Variants in KIAA0513 observed in about 807,000 individuals in gnomAD.
KIAA0513 encodes KIAA0513.
A neutral mutation model predicts 56.5 loss-of-function variants in KIAA0513; 39 were observed. The observed-to-expected ratio is 0.69, with a 90% CI of 0.53 to 0.90. The LOEUF (loss-of-function observed/expected upper bound fraction) is 0.90, where lower values mean the gene tolerates loss of function less well. Among genes scored for constraint, KIAA0513 ranks in the 40% least tolerant of loss-of-function variants. The pLI, the probability that KIAA0513 is intolerant of heterozygous loss-of-function variation, is 0.00. For missense variants in KIAA0513, 591 were observed against 535.2 expected, an observed-to-expected ratio of 1.10 and a Z score of -1.03; for synonymous variants, 268 against 215.6, an observed-to-expected ratio of 1.24 and a Z score of -2.13.
chr16:85,054,421 C>CTTTT (rs398042273), intron 1 of KIAA0513, among the ~76,000 whole-genome samples: 279 of 119,462 alleles, frequency 2.3e-3, no homozygotes, highest in East Asian at 4.6e-3. Flanking sequence ...TTTTTCTTTT[C>CTTTT]TTTTTTTTTT....
chr16:85,087,213 C>T, intron 12 of KIAA0513, 47 bp downstream of exon 12: 1 of 1,487,806 alleles, frequency 6.7e-7, no homozygotes, highest in Non-Finnish European at 9.4e-7. Context: ...GGGCTGGGGT[C>T]AGGAGCCAGT....
chr16:85,067,094 T>A lies in KIAA0513; in HGVS notation c.23T>A (p.Val8Glu). Residue 8 changes from valine (V) to glutamate (E), a missense_variant, in exon 2 of 13, where the codon GTG (valine) becomes GAG (glutamate). Transcript: ENST00000683363. METPEVP[V>E]GSLIDFGPEA... is the part of the protein sequence containing the mutation. ...GCCATGGAGACCCCAGAGGTCCCCG[T>A]GGGCTCGCTAATCGACTTTGGGCCT... 6.3e-7 allele frequency: 1 copy of A among 1,595,472 alleles called. No individual in the cohort carries two copies. Among genetic ancestry groups the A allele is most frequent in the Non-Finnish European group, 8.6e-7 (1 of 1,169,038 alleles).
At chr16:85,041,150 A>G (rs1378554822) in intron 1 of KIAA0513, among the ~76,000 whole-genome samples, 10 of 152,212 alleles carry the variant, frequency 6.6e-5, no homozygotes, top group Admixed American at 6.5e-5. Context: ...ATACTTCCAA[A>G]TAGAAACTGA....
intron 1 of KIAA0513, among the ~76,000 whole-genome samples, chr16:85,041,446 C>T (rs1172193047): frequency 5.9e-5 from 9 of 152,150 alleles, no homozygotes; most frequent in African/African-American, 1.7e-4. Flanking sequence ...GCGTATGGCA[C>T]GTGGCTGTCA....
chr16:85,049,425 C>T (rs899953540), intron 1 of KIAA0513, among the ~76,000 whole-genome samples: 1 of 152,226 alleles, frequency 6.6e-6, no homozygotes, highest in Admixed American at 6.5e-5. Context: ...TTTGGTTCTG[C>T]GTCCCCACCC....
At chr16:85,066,763 G>A (rs577511822) in intron 1 of KIAA0513, 137 bp from the exon 2 acceptor site, 2 of 332,868 alleles carry the variant, frequency 6.0e-6, no homozygotes, top group Admixed American at 4.6e-5. Flanking sequence ...ACAGTAAAGC[G>A]GACAGTAGGA....
chr16:85,033,532 G>T (rs557354259), intron 1 of KIAA0513, among the ~76,000 whole-genome samples: 2 of 152,192 alleles, frequency 1.3e-5, no homozygotes, highest in South Asian at 2.1e-4. Context: ...GTATGTAGAA[G>T]CCTCCTCCCG....
rs375253713 is a variant in KIAA0513 at position 85,067,419 on chromosome 16, C to T, written c.329+19C>T. 88 of 1,573,712 alleles carry T rather than the reference C, an allele frequency of 5.6e-5. No individual in the cohort carries two copies. The highest frequency in any genetic ancestry group is 5.6e-4 in the South Asian group (49 of 87,706). On this transcript the variant is annotated intron_variant, in intron 2 of 12. Coordinates refer to ENST00000683363, the MANE Select transcript of KIAA0513 (RefSeq NM_001388359.1). Reference sequence around the variant, plus strand: ...CTGGAGGGTAAGGGGCCTGTGTGGACGAGACAGCCTGGTGTGGCCACAGGG... The same window carrying T: ...CTGGAGGGTAAGGGGCCTGTGTGGATGAGACAGCCTGGTGTGGCCACAGGG...
intron 2 of KIAA0513, among the ~76,000 whole-genome samples, chr16:85,069,500 G>C (rs1226975502): frequency 6.6e-6 from 1 of 152,098 alleles, no homozygotes; most frequent in Non-Finnish European, 1.5e-5. Flanking sequence ...GTTCGGGGCT[G>C]TGACGTCCAC....
intron 1 of KIAA0513, among the ~76,000 whole-genome samples, chr16:85,043,101 A>T (rs941714620): frequency 3.9e-5 from 6 of 152,228 alleles, no homozygotes; most frequent in Non-Finnish European, 7.3e-5. Context: ...ACCGAAATAC[A>T]ATTTTAGACT....
At chr16:85,064,885 A>G (rs897579551) in intron 1 of KIAA0513, among the ~76,000 whole-genome samples, 5 of 151,940 alleles carry the variant, frequency 3.3e-5, no homozygotes, top group African/African-American at 1.2e-4. Flanking sequence ...GGGTTTCACC[A>G]TGTTGCCCAG....
At position 85,067,125 on chromosome 16, in the gene KIAA0513, A is replaced by T. The variant is rs1471149134; in HGVS notation, c.54A>T (p.Ala18=). Residue 18 remains alanine, a synonymous_variant, in exon 2 of 13, where the codon GCA becomes GCT. Coordinates refer to ENST00000683363, the MANE Select transcript of KIAA0513 (RefSeq NM_001388359.1). The part of the protein sequence containing the change: ...VGSLIDFGPE[A]PTSSPLEAPP... Reference sequence around the variant, plus strand: ...CGCTAATCGACTTTGGGCCTGAGGCACCCACCTCTTCTCCCCTGGAGGCAC... The same window carrying T: ...CGCTAATCGACTTTGGGCCTGAGGCTCCCACCTCTTCTCCCCTGGAGGCAC... The T allele has an allele frequency of 6.2e-7, 1 of 1,612,190 alleles. No individual in the cohort carries two copies. The highest frequency in any genetic ancestry group is 8.5e-7 in the Non-Finnish European group (1 of 1,178,818).
intron 7 of KIAA0513, 96 bp from the exon 8 acceptor site, chr16:85,078,829 G>T: frequency 2.3e-6 from 3 of 1,316,190 alleles, no homozygotes; most frequent in East Asian, 2.3e-5. Context: ...AGTGACATTC[G>T]GGGAGAAACT....
chr16:85,044,479 C>G (rs1277887553), intron 1 of KIAA0513, among the ~76,000 whole-genome samples: 1 of 152,006 alleles, frequency 6.6e-6, no homozygotes, highest in East Asian at 1.9e-4. Flanking sequence ...CCATCCACCA[C>G]CACAAAGTAA....
chr16:85,060,577 G>T (rs987719100), intron 1 of KIAA0513, among the ~76,000 whole-genome samples: 1 of 152,170 alleles, frequency 6.6e-6, no homozygotes, highest in Non-Finnish European at 1.5e-5. Flanking sequence ...GGCGGCTCAC[G>T]CCTGTAATCC....
chr16:85,076,012 A>G lies in KIAA0513; in HGVS notation c.574+98A>G, dbSNP rs993723151. The G allele has an allele frequency of 9.0e-6, 8 of 893,792 alleles. No individual in the cohort carries two copies. The African/African-American group carries it at 1.3e-4, about 15-fold the overall frequency. 55.4% of individuals were successfully genotyped at this position (893,792 alleles called of 1,614,324 possible). A position where few individuals can be genotyped will look rare whatever the true frequency, so the allele number is the denominator to read the frequency against. On this transcript the variant is annotated intron_variant, in intron 5 of 12. Coordinates refer to ENST00000683363, the MANE Select transcript of KIAA0513 (RefSeq NM_001388359.1). The surrounding 1 kb of genome is among the most constrained non-coding windows in gnomAD (Gnocchi z 4.7). ...TTCTTCATGATAAAAAGCAAAAGCTATGGGGCCTCCAGAGAACAGAGGAAG... is the reference window on the plus strand; with the variant it reads ...TTCTTCATGATAAAAAGCAAAAGCTGTGGGGCCTCCAGAGAACAGAGGAAG...
intron 1 of KIAA0513, among the ~76,000 whole-genome samples, chr16:85,050,103 G>A (rs568743253): frequency 6.6e-6 from 1 of 152,034 alleles, no homozygotes; most frequent in East Asian, 2.0e-4. Context: ...AGTCAATGGT[G>A]ATCGCTGATG....
chr16:85,082,678 T>A, intron 10 of KIAA0513, 85 bp downstream of exon 10: 2 of 1,393,272 alleles, frequency 1.4e-6, no homozygotes, highest in Non-Finnish European at 2.0e-6. Flanking sequence ...TGCACTGTGC[T>A]GAGCTGCTGC....
chr16:85,083,985 C>G (rs142137748), intron 10 of KIAA0513, among the ~76,000 whole-genome samples: 97 of 151,830 alleles, frequency 6.4e-4, no homozygotes, highest in African/African-American at 2.2e-3. Context: ...CCCACTGTAG[C>G]GGTGTAGATG....
Sources: gnomAD v4.1 joint callset for allele counts (sites outside exome capture counted in the v4.1 genomes callset) on GRCh38, gnomAD v4.1.1 for gene constraint, Gnocchi (gnomAD v3.1) non-coding constraint, MANE v1.5 for transcripts, NCBI Gene and HGNC (gene_info 2026-07-23, HGNC 2026-07-21) for gene names.